The following CNTNAP2 variants were observed in gnomAD, a reference collection of about 807,000 sequenced individuals.
CNTNAP2 encodes the protein contactin associated protein 2, also known as contactin-associated protein-like 2.
A neutral mutation model predicts 155.2 loss-of-function variants in CNTNAP2; 98 were observed. The observed-to-expected ratio is 0.63, with a 90% CI of 0.54 to 0.75. The LOEUF (loss-of-function observed/expected upper bound fraction) is 0.75, where lower values mean the gene tolerates loss of function less well. Among genes scored for constraint, CNTNAP2 ranks in the 30% least tolerant of loss-of-function variants. The pLI is 0.00. For missense variants in CNTNAP2, 1,727 were observed against 1,688.1 expected (o/e 1.02, Z -0.40); for synonymous variants, 651 against 631.2 (o/e 1.03, Z -0.47).
In CNTNAP2 at chr7:147,762,155, TCACA is replaced by T. The variant is rs72526174; in HGVS notation, c.2098+122879_2098+122882del. ...GTTTCTCTCTCTCTCTCTCTCTGTC[TCACA>T]CACACACACACACACACACACACAC... On this transcript the variant is annotated intron_variant, in intron 13 of 23. Transcript: ENST00000361727. Among the ~76,000 whole-genome samples the T allele has an allele frequency of 5.3e-4, 76 of 144,398 alleles. 1 individual carries two copies. The highest frequency in any genetic ancestry group is 2.0e-3 in the South Asian group (9 of 4,456). 94.7% of individuals were successfully genotyped at this position (144,398 alleles called of 152,430 possible). A position where few individuals can be genotyped will look rare whatever the true frequency, so the allele number is the denominator to read the frequency against.
intron 13 of CNTNAP2, among the ~76,000 whole-genome samples, chr7:147,742,102 AC>A (rs1384602240): frequency 6.6e-6 from 1 of 152,108 alleles, no homozygotes; most frequent in African/African-American, 2.4e-5. Flanking sequence ...ATTCACTATC[AC>A]AAAAATAGCC....
intron 14 of CNTNAP2, among the ~76,000 whole-genome samples, chr7:147,905,916 A>AAC (rs1175209042): frequency 1.3e-5 from 2 of 151,972 alleles, no homozygotes; most frequent in Non-Finnish European, 2.9e-5. Flanking sequence ...CAAACAAACA[A>AAC]AAAAAAACTG....
intron 15 of CNTNAP2, among the ~76,000 whole-genome samples, chr7:148,049,108 G>A (rs1422797112): frequency 2.0e-5 from 3 of 151,940 alleles, no homozygotes; most frequent in Non-Finnish European, 2.9e-5. Flanking sequence ...CCAGCTACTC[G>A]GGATCCTGAG....
At position 146,330,012 on chromosome 7, in the gene CNTNAP2, CTTTTTTTT is replaced by C. The variant is rs748334732; in HGVS notation, c.97+213059_97+213066del. ...CATTTATTGATTCAACAAGTACTTT[CTTTTTTTT>C]TTTTTTTTTTTTTTTTTTTGAGACA... On this transcript the variant is annotated intron_variant, in intron 1 of 23. Coordinates refer to ENST00000361727, the MANE Select transcript of CNTNAP2 (RefSeq NM_014141.6). Among the ~76,000 whole-genome samples the C allele has an allele frequency of 6.8e-4, 51 of 74,832 alleles. 1 individual carries two copies. Among genetic ancestry groups the C allele is most frequent in the African/African-American group, 3.0e-3 (45 of 15,208 alleles). 49.1% of individuals were successfully genotyped at this position (74,832 alleles called of 152,430 possible). A position where few individuals can be genotyped will look rare whatever the true frequency, so the allele number is the denominator to read the frequency against.
intron 1 of CNTNAP2, among the ~76,000 whole-genome samples, chr7:146,773,427 C>T (rs1802331865): frequency 1.3e-5 from 2 of 152,104 alleles, no homozygotes; most frequent in Non-Finnish European, 2.9e-5. Flanking sequence ...CGGAGTTTTG[C>T]TGTTGTTGCC....
chr7:147,773,856 TAATC>T (rs1486223654), intron 13 of CNTNAP2, among the ~76,000 whole-genome samples: 2 of 152,202 alleles, frequency 1.3e-5, no homozygotes, highest in African/African-American at 4.8e-5. Context: ...TTTTTTTTAA[TAATC>T]AACCAGAACC....
At chr7:148,334,871 G>A (rs939670508) in intron 21 of CNTNAP2, among the ~76,000 whole-genome samples, 54 of 152,186 alleles carry the variant, frequency 3.5e-4, no homozygotes, top group Non-Finnish European at 7.2e-4. Flanking sequence ...ACAGCCAGGG[G>A]AAACCTACTT....
Position 147,508,641 on chromosome 7 carries a change from A to G in CNTNAP2, c.1777+22600A>G, listed in dbSNP as rs111955943. Among the ~76,000 whole-genome samples the G allele has an allele frequency of 3.4e-4, 51 of 152,214 alleles. 1 individual carries two copies. The highest frequency in any genetic ancestry group is 1.2e-3 in the African/African-American group (51 of 41,538). ...CTCATATTGAATTGTAGCTCCCATA[A>G]TCCCTGCATGTCATGGGAGGGACCT... On this transcript the variant is annotated intron_variant, in intron 11 of 23. Coordinates refer to ENST00000361727, the MANE Select transcript of CNTNAP2 (RefSeq NM_014141.6).
intron 15 of CNTNAP2, among the ~76,000 whole-genome samples, chr7:148,060,756 C>T (rs915780865): frequency 2.0e-5 from 3 of 152,104 alleles, no homozygotes; most frequent in African/African-American, 7.2e-5. Context: ...CTAACTATGC[C>T]TTTTTGTTAT....
At chr7:146,776,618 A>G (rs1308769652) in intron 2 of CNTNAP2, among the ~76,000 whole-genome samples, 1 of 152,138 alleles carries the variant, frequency 6.6e-6, no homozygotes, top group Non-Finnish European at 1.5e-5. Context: ...TTTTCTTCCT[A>G]ACCTTTCAGA....
intron 1 of CNTNAP2, among the ~76,000 whole-genome samples, chr7:146,395,819 A>AGAT (rs1795615258): frequency 7.3e-6 from 1 of 137,304 alleles, no homozygotes; most frequent in Non-Finnish European, 1.5e-5. Context: ...ATAGATAGAT[A>AGAT]GATAGAGGAG....
chr7:147,647,552 G>C (rs1795386427), intron 13 of CNTNAP2, among the ~76,000 whole-genome samples: 1 of 152,106 alleles, frequency 6.6e-6, no homozygotes, highest in African/African-American at 2.4e-5. Flanking sequence ...CTTAGCAGTT[G>C]ATTATGGGCT....
intron 11 of CNTNAP2, among the ~76,000 whole-genome samples, chr7:147,529,563 CTTGT>C (rs1033652989): frequency 6.0e-5 from 9 of 151,014 alleles, no homozygotes; most frequent in African/African-American, 1.2e-4. Flanking sequence ...TTTCTATTTT[CTTGT>C]TTGTTTGTTT....
intron 9 of CNTNAP2, among the ~76,000 whole-genome samples, chr7:147,366,509 C>A (rs1048106279): frequency 4.0e-5 from 6 of 151,638 alleles, no homozygotes; most frequent in African/African-American, 7.3e-5. Context: ...AAATCTAATT[C>A]TTTCATAGTT....
At chr7:147,262,038 G>A (rs1247070505) in intron 8 of CNTNAP2, among the ~76,000 whole-genome samples, 1 of 152,166 alleles carries the variant, frequency 6.6e-6, no homozygotes, top group Non-Finnish European at 1.5e-5. Flanking sequence ...CGTGAGCCAG[G>A]CACTGTGTTA....
At chr7:148,124,416 T>C (rs540065761) in intron 16 of CNTNAP2, among the ~76,000 whole-genome samples, 10 of 152,286 alleles carry the variant, frequency 6.6e-5, no homozygotes, top group African/African-American at 2.4e-4. Flanking sequence ...CAGTTACCCC[T>C]AAGGGATTAG....
At chr7:146,920,168 C>G (rs918566668) in intron 3 of CNTNAP2, among the ~76,000 whole-genome samples, 2 of 152,198 alleles carry the variant, frequency 1.3e-5, no homozygotes, top group East Asian at 1.9e-4. Flanking sequence ...AAGCCCAGCA[C>G]TTTGGGAGGC....
At chr7:147,313,547 A>C (rs1402661439) in intron 9 of CNTNAP2, among the ~76,000 whole-genome samples, 1 of 147,746 alleles carries the variant, frequency 6.8e-6, no homozygotes. Context: ...TGTTTTTCTC[A>C]GGTTTGTCAA....
intron 15 of CNTNAP2, among the ~76,000 whole-genome samples, chr7:148,115,177 G>T (rs1255431630): frequency 2.0e-5 from 3 of 152,190 alleles, no homozygotes; most frequent in African/African-American, 4.8e-5. Flanking sequence ...TGGAATTGTG[G>T]TCTATAGAGA....
Sources: gnomAD v4.1 joint callset for allele counts (sites outside exome capture counted in the v4.1 genomes callset) on GRCh38, gnomAD v4.1.1 for gene constraint, MANE v1.5 for transcripts, NCBI Gene and HGNC (gene_info 2026-07-23, HGNC 2026-07-21) for gene names.